The following GALNT1 variants were observed in gnomAD, a reference collection of about 807,000 sequenced individuals.
GALNT1 encodes GalNAc transferase 1.
Under a neutral mutation model 65.7 loss-of-function variants are expected in GALNT1, and 17 were observed. The ratio of observed to expected loss-of-function variants is 0.26; its 90% CI spans 0.18 to 0.39. GALNT1 has a LOEUF of 0.39. Ranked by LOEUF, GALNT1 falls within the 10% of genes least tolerant of loss-of-function variation. GALNT1 has a pLI of 1.00. For missense variants in GALNT1, 460 were observed against 672.8 expected (o/e 0.68, Z 3.50); for synonymous variants, 210 against 219.7 (o/e 0.96, Z 0.39).
chr18:35,622,068 A>T (rs1024338951), intron 1 of GALNT1, among the ~76,000 whole-genome samples: 1 of 152,130 alleles, frequency 6.6e-6, no homozygotes, highest in African/African-American at 2.4e-5. Context: ...TAATTTTAGG[A>T]TCTACTTTTA....
intron 1 of GALNT1, among the ~76,000 whole-genome samples, chr18:35,633,459 C>G (rs1301656593): frequency 1.3e-5 from 2 of 151,474 alleles, no homozygotes; most frequent in African/African-American, 4.9e-5. Flanking sequence ...AAACCAAACA[C>G]CCCATGTTCT....
chr18:35,688,338 G>T (rs1360087218), intron 6 of GALNT1, among the ~76,000 whole-genome samples: 1 of 152,038 alleles, frequency 6.6e-6, no homozygotes, highest in Non-Finnish European at 1.5e-5. Context: ...ACATTTTAGG[G>T]TTCATCTTAA....
chr18:35,613,122 T>C (rs1432622367), intron 1 of GALNT1, among the ~76,000 whole-genome samples: 4 of 152,216 alleles, frequency 2.6e-5, no homozygotes, highest in Non-Finnish European at 5.9e-5. Context: ...TAATCTAGTT[T>C]ACTTATGTTT....
At chr18:35,686,572 G>A (rs2047870858) in intron 5 of GALNT1, among the ~76,000 whole-genome samples, 1 of 152,116 alleles carries the variant, frequency 6.6e-6, no homozygotes, top group Admixed American at 6.5e-5. Flanking sequence ...CTTGATTTAT[G>A]ACAGAGCAGT....
intron 8 of GALNT1, among the ~76,000 whole-genome samples, chr18:35,691,973 T>C (rs1485310381): frequency 2.0e-5 from 3 of 152,216 alleles, no homozygotes; most frequent in Non-Finnish European, 2.9e-5. Flanking sequence ...CACATAAATG[T>C]CATTTTTCTC....
At position 35,710,004 on chromosome 18, in the gene GALNT1, C is replaced by A; in HGVS notation, c.*234C>A. 2.3e-6 allele frequency: 1 copy of A among 428,704 alleles called. No individual in the cohort carries two copies. Among genetic ancestry groups the A allele is most frequent in the South Asian group, 4.8e-5 (1 of 20,906 alleles). 26.6% of individuals were successfully genotyped at this position (428,704 alleles called of 1,614,324 possible). ...ATGAGACTGTGCACACTGATGTTTA[C>A]AAGATTGAAAGAGTCTTTCTCCGAA... On this transcript the variant is annotated 3_prime_UTR_variant, in exon 12 of 12. Coordinates refer to ENST00000269195, the MANE Select transcript of GALNT1 (RefSeq NM_020474.4).
rs548429533 is a variant in GALNT1, at chr18:35,600,103, A to G, written c.-104+18241A>G. Among the ~76,000 whole-genome samples, 14 of 152,278 alleles carry G rather than the reference A, an allele frequency of 9.2e-5. 1 individual carries two copies. The South Asian group carries it at 2.9e-3, about 32-fold the overall frequency. On this transcript the variant is annotated intron_variant, in intron 1 of 11. Coordinates refer to ENST00000269195, the MANE Select transcript of GALNT1 (RefSeq NM_020474.4). ...GGGATGCCCTGAATCTGTAGATCAC[A>G]TTAGGTAGGATGGACATTTTCACAA...
chr18:35,653,978 C>G (rs950131928), intron 1 of GALNT1, among the ~76,000 whole-genome samples: 3 of 152,124 alleles, frequency 2.0e-5, no homozygotes, highest in African/African-American at 7.2e-5. Flanking sequence ...GAAAGAGGAA[C>G]GAGAGTTAAC....
chr18:35,646,900 A>G (rs2047238784), intron 1 of GALNT1, among the ~76,000 whole-genome samples: 1 of 152,098 alleles, frequency 6.6e-6, no homozygotes, highest in Admixed American at 6.6e-5. Flanking sequence ...ACATGTCCCA[A>G]ATCACACTTA....
Position 35,654,795 on chromosome 18 carries a change from G to A in GALNT1, c.133G>A (p.Gly45Arg). The A allele has an allele frequency of 6.4e-7, 1 of 1,550,950 alleles. No individual in the cohort carries two copies. The change falls in exon 2 of 12, where the codon GGA becomes AGA. Residue 45 changes from glycine to arginine, a missense_variant. Coordinates refer to ENST00000269195, the MANE Select transcript of GALNT1 (RefSeq NM_020474.4). ...DEKKERGLPA[G>R]DVLEPVQKPH... Reference sequence around the variant, plus strand: ...AAAAAAGGAGAGAGGACTTCCTGCTGGAGATGGTGAGTGACATTTTATAAT... The same window carrying A: ...AAAAAAGGAGAGAGGACTTCCTGCTAGAGATGGTGAGTGACATTTTATAAT...
intron 1 of GALNT1, among the ~76,000 whole-genome samples, chr18:35,613,195 G>C (rs2046739716): frequency 6.6e-6 from 1 of 152,056 alleles, no homozygotes; most frequent in Non-Finnish European, 1.5e-5. Context: ...TCTTTGTTTA[G>C]TTTACTGATA....
intron 1 of GALNT1, among the ~76,000 whole-genome samples, chr18:35,648,428 C>T (rs866119143): frequency 3.9e-5 from 6 of 152,266 alleles, no homozygotes; most frequent in East Asian, 1.9e-4. Flanking sequence ...TTTCGACTTT[C>T]GACTTAAGAT....
chr18:35,639,088 A>G (rs9789104), intron 1 of GALNT1, among the ~76,000 whole-genome samples: 9,384 of 152,324 alleles, frequency 0.062, 323 homozygotes, highest in South Asian at 0.076. Context: ...CCTAGTTGAT[A>G]AAGCAGTGGC....
intron 1 of GALNT1, among the ~76,000 whole-genome samples, chr18:35,597,879 T>C (rs962034632): frequency 2.6e-5 from 4 of 152,136 alleles, no homozygotes; most frequent in African/African-American, 9.7e-5. Flanking sequence ...TGTGATTCTT[T>C]ATGCTGGGGA....
In GALNT1 at chr18:35,581,811, CG is replaced by C. The variant is rs2046321051; in HGVS notation, c.-154del. On this transcript the variant is annotated 5_prime_UTR_variant, in exon 1 of 12. Coordinates refer to ENST00000269195, the MANE Select transcript of GALNT1 (RefSeq NM_020474.4). ...TGGCCGCGGGACCGGCCGCGACCGC[CG>C]CGGCCGGCCCGGAGGACGCCTGCCG... The C allele has an allele frequency of 5.6e-4, 1 of 1,796 alleles. No homozygotes were observed. The highest frequency in any genetic ancestry group is 4.7e-3 in the African/African-American group (1 of 212). The allele number at this position is 1,796 out of a possible 1,614,324, so 0.1% of individuals were successfully genotyped here.
At chr18:35,612,233 GAA>G (rs1176638092) in intron 1 of GALNT1, among the ~76,000 whole-genome samples, 1 of 152,076 alleles carries the variant, frequency 6.6e-6, no homozygotes, top group Non-Finnish European at 1.5e-5. Context: ...TGATTCTTAT[GAA>G]AAGAGAAAAA....
chr18:35,653,652 G>A (rs897234638), intron 1 of GALNT1, among the ~76,000 whole-genome samples: 1 of 152,136 alleles, frequency 6.6e-6, no homozygotes, highest in Non-Finnish European at 1.5e-5. Flanking sequence ...CCTCTCTGAG[G>A]TCTCTCAGGC....
chr18:35,608,686 A>G (rs1194194925), intron 1 of GALNT1, among the ~76,000 whole-genome samples: 1 of 152,082 alleles, frequency 6.6e-6, no homozygotes, highest in Non-Finnish European at 1.5e-5. Context: ...TTTTCCCTCA[A>G]GGAGCTCACA....
chr18:35,596,148 T>C (rs886840851), intron 1 of GALNT1: 8 of 152,304 alleles, frequency 5.3e-5, no homozygotes, highest in Admixed American at 5.2e-4. Context: ...AAAGAGGCTT[T>C]CACAGTCAAT....
Sources: gnomAD v4.1 joint callset for allele counts (sites outside exome capture counted in the v4.1 genomes callset) on GRCh38, gnomAD v4.1.1 for gene constraint, MANE v1.5 for transcripts, NCBI Gene and HGNC (gene_info 2026-07-23, HGNC 2026-07-21) for gene names.